The following ALK variants were observed in gnomAD, a reference collection of about 807,000 sequenced individuals.
ALK encodes ALK receptor tyrosine kinase.
A neutral mutation model predicts 163.1 loss-of-function variants in ALK; 74 were observed. The ratio of observed to expected loss-of-function variants is 0.45; its 90% confidence interval spans 0.38 to 0.55. The LOEUF (loss-of-function observed/expected upper bound fraction) is 0.55. ALK is among the 20% of genes least tolerant of loss of function. The pLI, the probability that ALK is intolerant of heterozygous loss-of-function variation, is 0.00. For missense variants in ALK, 2,063 were observed against 2,105.3 expected (o/e 0.98, Z 0.39); for synonymous variants, 960 against 843.2 (o/e 1.14, Z -2.40).
intron 3 of ALK, among the ~76,000 whole-genome samples, chr2:29,572,418 C>T (rs1230656322): frequency 6.6e-6 from 1 of 152,190 alleles, no homozygotes; most frequent in African/African-American, 2.4e-5. Context: ...GGAAGCAGCA[C>T]ACTTCTTGCA....
At chr2:29,631,758 A>G (rs1275386823) in intron 3 of ALK, among the ~76,000 whole-genome samples, 2 of 152,254 alleles carry the variant, frequency 1.3e-5, no homozygotes, top group Non-Finnish European at 2.9e-5. Flanking sequence ...AATAAAGATT[A>G]GGTATCACAA....
chr2:29,407,335 G>A (rs1393217687), intron 4 of ALK, among the ~76,000 whole-genome samples: 1 of 152,232 alleles, frequency 6.6e-6, no homozygotes, highest in East Asian at 1.9e-4. Context: ...ATTATTCACA[G>A]TTAACATTTA....
chr2:29,198,863 A>G (rs1669088221), intron 26 of ALK, among the ~76,000 whole-genome samples: 1 of 152,018 alleles, frequency 6.6e-6, no homozygotes, highest in African/African-American at 2.4e-5. Flanking sequence ...ACAAATTGGT[A>G]TCTATCAATC....
At chr2:29,373,575 T>C (rs1668685303) in intron 5 of ALK, among the ~76,000 whole-genome samples, 1 of 152,278 alleles carries the variant, frequency 6.6e-6, no homozygotes, top group Non-Finnish European at 1.5e-5. Context: ...AATGATCGAA[T>C]ATTTAAAATA....
intron 3 of ALK, among the ~76,000 whole-genome samples, chr2:29,636,854 T>C (rs1429215475): frequency 1.3e-5 from 2 of 152,156 alleles, no homozygotes; most frequent in African/African-American, 2.4e-5. Context: ...TAAATATCAT[T>C]AACTATTAGG....
At chr2:29,701,171 G>T (rs1412553009) in intron 2 of ALK, among the ~76,000 whole-genome samples, 1 of 152,182 alleles carries the variant, frequency 6.6e-6, no homozygotes, top group Non-Finnish European at 1.5e-5. Flanking sequence ...ATGCTCCTTT[G>T]TATCCAGACT....
At chr2:29,323,069 C>T (rs1667122340) in intron 6 of ALK, among the ~76,000 whole-genome samples, 2 of 152,204 alleles carry the variant, frequency 1.3e-5, no homozygotes, top group Non-Finnish European at 2.9e-5. Context: ...TCTAGCCTCA[C>T]CACTTCCTGC....
intron 3 of ALK, among the ~76,000 whole-genome samples, chr2:29,680,329 T>C (rs957822633): frequency 6.6e-6 from 1 of 152,134 alleles, no homozygotes; most frequent in African/African-American, 2.4e-5. Flanking sequence ...TAACACTTCA[T>C]GTTGTCCCAG....
At chr2:29,563,971 C>T (rs1352907015) in intron 3 of ALK, among the ~76,000 whole-genome samples, 2 of 152,198 alleles carry the variant, frequency 1.3e-5, no homozygotes, top group African/African-American at 2.4e-5. Flanking sequence ...ACCTCAGCCG[C>T]CTCCTTTTTC....
At chr2:29,889,556 G>GGAGAGAAAGTGACAGCC (rs949539962) in intron 1 of ALK, among the ~76,000 whole-genome samples, 6 of 152,098 alleles carry the variant, frequency 3.9e-5, no homozygotes, top group South Asian at 4.2e-4. Flanking sequence ...GGGAGGCTGT[G>GGAGAGAAAGTGACAGCC]GAGAGAAAGT....
chr2:29,656,417 C>T (rs1458780587), intron 3 of ALK, among the ~76,000 whole-genome samples: 1 of 152,156 alleles, frequency 6.6e-6, no homozygotes, highest in African/African-American at 2.4e-5. Flanking sequence ...TGTATTTAAA[C>T]CTGGCCAACT....
At position 29,207,108 on chromosome 2, in the gene ALK, C is replaced by T. The variant is rs1029136958; in HGVS notation, c.3938+63G>A. The T allele has an allele frequency of 5.4e-6, 7 of 1,302,982 alleles. No homozygotes were observed. The African/African-American group carries it at 1.0e-4, about 19-fold the overall frequency. The allele number at this position is 1,302,982 out of a possible 1,614,324, so 80.7% of individuals were successfully genotyped here. On this transcript the variant is annotated intron_variant, in intron 26 of 28. Transcript: ENST00000389048. ...GGGCTCCCGGCTTAGAGTATAGAGT[C>T]CTTTGGCCCAGGAGCACCACCTTAT...
chr2:29,230,171 C>T (rs898955272), intron 15 of ALK, among the ~76,000 whole-genome samples: 1 of 151,982 alleles, frequency 6.6e-6, no homozygotes, highest in South Asian at 2.1e-4. Flanking sequence ...TGCACATTCT[C>T]CTATAAAAAA....
intron 3 of ALK, among the ~76,000 whole-genome samples, chr2:29,692,494 T>A (rs546700082): frequency 6.6e-6 from 1 of 152,318 alleles, no homozygotes; most frequent in African/African-American, 2.4e-5. Flanking sequence ...GGCATTAGAT[T>A]CTCATAAGAA....
chr2:29,474,913 C>T (rs1479585349), intron 4 of ALK, among the ~76,000 whole-genome samples: 2 of 152,136 alleles, frequency 1.3e-5, no homozygotes, highest in Non-Finnish European at 2.9e-5. Flanking sequence ...CTTTGCTGGA[C>T]GGGGCCTGGC....
chr2:29,514,024 A>G lies in ALK; in HGVS notation c.1154+17891T>C, dbSNP rs1015953186. Among the ~76,000 whole-genome samples, 5 of 104,806 alleles carry G rather than the reference A, an allele frequency of 4.8e-5. 1 individual carries two copies. The highest frequency in any genetic ancestry group is 7.9e-5 in the Non-Finnish European group (4 of 50,586). 68.8% of individuals were successfully genotyped at this position (104,806 alleles called of 152,430 possible). A position where few individuals can be genotyped will look rare whatever the true frequency, so the allele number is the denominator to read the frequency against. On this transcript the variant is annotated intron_variant, in intron 4 of 28. Transcript: ENST00000389048. Reference sequence around the variant, plus strand: ...AACAGGTGCTGGAGAGGATGTGGAGAAACAGGAACACTTTTACACTGTTGG... The same window carrying G: ...AACAGGTGCTGGAGAGGATGTGGAGGAACAGGAACACTTTTACACTGTTGG...
chr2:29,492,893 T>C (rs898010065), intron 4 of ALK, among the ~76,000 whole-genome samples: 1 of 152,164 alleles, frequency 6.6e-6, no homozygotes, highest in African/African-American at 2.4e-5. Context: ...CCAGATGGTA[T>C]GGGAGTATTT....
chr2:29,568,442 A>G (rs970881315), intron 3 of ALK, among the ~76,000 whole-genome samples: 6 of 152,338 alleles, frequency 3.9e-5, no homozygotes, highest in Middle Eastern at 3.4e-3. Flanking sequence ...GACAAGGGGC[A>G]GTGAAAACCT....
chr2:29,660,569 A>G (rs1355441426), intron 3 of ALK, among the ~76,000 whole-genome samples: 1 of 152,032 alleles, frequency 6.6e-6, no homozygotes, highest in African/African-American at 2.4e-5. Context: ...GATGAGAAAG[A>G]AAAGAAGGAA....
Sources: allele counts gnomAD v4.1 joint callset (sites outside exome capture counted in the v4.1 genomes callset), GRCh38; gene constraint gnomAD v4.1.1; transcripts MANE v1.5; gene names NCBI Gene and HGNC (gene_info 2026-07-23, HGNC 2026-07-21).